Variants in RBPJ observed in about 807,000 individuals in gnomAD.
The protein encoded by RBPJ is recombining binding protein suppressor of hairless.
A neutral mutation model predicts 67.8 loss-of-function variants in RBPJ; 9 were observed. The observed-to-expected ratio is 0.13, with a 90% CI of 0.08 to 0.23. RBPJ has a LOEUF of 0.23. Ranked by LOEUF, RBPJ falls within the 10% of genes least tolerant of loss-of-function variation. The pLI is 1.00. For synonymous variants in RBPJ, 198 were observed against 203.3 expected (o/e 0.97, Z 0.22); for missense variants, 305 against 595.6 (o/e 0.51, Z 5.08).
chr4:26,242,113 A>G (rs1719656951), intron 1 of RBPJ, among the ~76,000 whole-genome samples: 1 of 152,180 alleles, frequency 6.6e-6, no homozygotes, highest in Admixed American at 6.5e-5. Context: ...AGGTCCCTAC[A>G]CGCTGCCCTC....
chr4:26,355,231 T>C (rs1727249840), intron 1 of RBPJ, among the ~76,000 whole-genome samples: 1 of 152,104 alleles, frequency 6.6e-6, no homozygotes, highest in South Asian at 2.1e-4. Context: ...CCCGACTATA[T>C]ATATATTTTA....
chr4:26,175,543 A>T (rs1716767007), intron 1 of RBPJ, among the ~76,000 whole-genome samples: 1 of 152,182 alleles, frequency 6.6e-6, no homozygotes, highest in Non-Finnish European at 1.5e-5. Context: ...TTTTGTGTAA[A>T]AATCACCTCC....
intron 1 of RBPJ, among the ~76,000 whole-genome samples, chr4:26,360,906 G>A (rs1041850107): frequency 4.0e-5 from 6 of 150,930 alleles, no homozygotes; most frequent in Admixed American, 1.3e-4. Context: ...CACCGCTCCC[G>A]GCCTCATAGG....
chr4:26,425,482 T>G (rs1006217493), intron 7 of RBPJ, among the ~76,000 whole-genome samples: 1 of 151,644 alleles, frequency 6.6e-6, no homozygotes, highest in Non-Finnish European at 1.5e-5. Flanking sequence ...TAGCCAGGCA[T>G]GGTGGTGCAC....
chr4:26,370,628 C>T (rs1729062559), intron 1 of RBPJ, among the ~76,000 whole-genome samples: 1 of 152,132 alleles, frequency 6.6e-6, no homozygotes, highest in African/African-American at 2.4e-5. Context: ...CTTGAAGTGG[C>T]ACCATGCTTC....
intron 1 of RBPJ, among the ~76,000 whole-genome samples, chr4:26,296,016 G>C (rs999844742): frequency 6.6e-6 from 1 of 152,300 alleles, no homozygotes; most frequent in Non-Finnish European, 1.5e-5. Flanking sequence ...CTGAATTAAT[G>C]AGCCCAAATG....
At chr4:26,156,061 A>G in the RBPJ span, among the ~76,000 whole-genome samples, 9 of 152,356 alleles carry the variant, frequency 5.9e-5, no homozygotes, top group East Asian at 1.4e-3. Context: ...CAACTTGTTA[A>G]TGGAGGCAGG....
At chr4:26,222,774 C>A (rs1718955912) in intron 1 of RBPJ, among the ~76,000 whole-genome samples, 1 of 151,608 alleles carries the variant, frequency 6.6e-6, no homozygotes, top group African/African-American at 2.4e-5. Flanking sequence ...ACAAAAGGGG[C>A]AGAGGAAAGG....
chr4:26,287,358 A>C (rs939627855), intron 1 of RBPJ, among the ~76,000 whole-genome samples: 1 of 151,774 alleles, frequency 6.6e-6, no homozygotes, highest in African/African-American at 2.4e-5. Context: ...TGGGCAGCAT[A>C]GCGAGACCCC....
intron 1 of RBPJ, among the ~76,000 whole-genome samples, chr4:26,276,661 A>G (rs1478745458): frequency 1.3e-5 from 2 of 152,320 alleles, no homozygotes; most frequent in Middle Eastern, 3.4e-3. Flanking sequence ...TGCTATATGT[A>G]TAACACTTTG....
chr4:26,177,773 C>T (rs1716847710), intron 1 of RBPJ, among the ~76,000 whole-genome samples: 1 of 152,048 alleles, frequency 6.6e-6, no homozygotes, highest in Admixed American at 6.6e-5. Context: ...GTTGAAAATG[C>T]TGAAAAGTAA....
chr4:26,326,145 T>C (rs1360118830), intron 1 of RBPJ, among the ~76,000 whole-genome samples: 1 of 152,140 alleles, frequency 6.6e-6, no homozygotes, highest in Non-Finnish European at 1.5e-5. Context: ...ATTGTGTGTG[T>C]GCTTGTGTGT....
chr4:26,216,185 A>G (rs186860918), intron 1 of RBPJ, among the ~76,000 whole-genome samples: 43 of 152,208 alleles, frequency 2.8e-4, no homozygotes, highest in African/African-American at 9.9e-4. Context: ...CTTGGTTTTA[A>G]GGCTCACCTG....
intron 1 of RBPJ, among the ~76,000 whole-genome samples, chr4:26,276,380 G>A (rs1721086446): frequency 6.6e-6 from 1 of 151,946 alleles, no homozygotes; most frequent in Admixed American, 6.6e-5. Context: ...CTTCCCTATG[G>A]TAACTAAAAC....
chr4:26,377,891 T>C (rs1729918199), intron 1 of RBPJ, among the ~76,000 whole-genome samples: 1 of 152,214 alleles, frequency 6.6e-6, no homozygotes, highest in Non-Finnish European at 1.5e-5. Context: ...ACAAAACTTC[T>C]TTGTCAAATT....
At chr4:26,328,644 TAG>T (rs1241039060) in intron 1 of RBPJ, among the ~76,000 whole-genome samples, 1 of 152,178 alleles carries the variant, frequency 6.6e-6, no homozygotes, top group East Asian at 1.9e-4. Flanking sequence ...TGGTGTTTTT[TAG>T]AGACAGTCTC....
rs144023516 is a variant in RBPJ at position 26,367,255 on chromosome 4, G to A, written c.21-19098G>A. Among the ~76,000 whole-genome samples, 31 of 152,118 alleles carry A rather than the reference G, an allele frequency of 2.0e-4. 2 individuals carry two copies. In the East Asian group the frequency reaches 5.6e-3, roughly 28 times the overall value. The stretch of plus-strand genomic sequence containing the variant: ...CCCAGCACTTTGGGAAGCCGAGGTG[G>A]GCAGACCACCTGGGGTCAGGAGTTC... On this transcript the variant is annotated intron_variant, in intron 1 of 10. Coordinates refer to ENST00000355476, the MANE Select transcript of RBPJ (RefSeq NM_015874.6).
intron 1 of RBPJ, among the ~76,000 whole-genome samples, chr4:26,363,545 TCTC>T: frequency 6.6e-6 from 1 of 152,312 alleles, no homozygotes; most frequent in East Asian, 1.9e-4. Context: ...TTCAAGCAAT[TCTC>T]CTGTCTCAGC....
chr4:26,155,103 T>C, the RBPJ span, among the ~76,000 whole-genome samples: 1 of 152,124 alleles, frequency 6.6e-6, no homozygotes, highest in African/African-American at 2.4e-5. Flanking sequence ...CTTCAAATAC[T>C]CAACTCCTAG....
Sources: allele counts gnomAD v4.1 joint callset (sites outside exome capture counted in the v4.1 genomes callset), GRCh38; gene constraint gnomAD v4.1.1; transcripts MANE v1.5; gene names NCBI Gene and HGNC (gene_info 2026-07-23, HGNC 2026-07-21).